SUN5: variants seen among roughly 807,000 people sequenced by gnomAD.
The protein encoded by SUN5 is Sad1 and UNC84 domain containing 5.
Under a neutral mutation model 53.7 loss-of-function variants are expected in SUN5, and 44 were observed. The observed-to-expected ratio is 0.82, with a 90% CI of 0.64 to 1.05. The LOEUF (loss-of-function observed/expected upper bound fraction) is 1.05, where lower values mean the gene tolerates loss of function less well. Among genes scored for constraint, SUN5 ranks in the 50% least tolerant of loss-of-function variants. SUN5 has a pLI of 0.00. For missense variants in SUN5, 433 were observed against 483.8 expected (o/e 0.90, Z 0.98); for synonymous variants, 166 against 179.8 (o/e 0.92, Z 0.62).
At chr20:32,987,188 G>A (rs1466211453) in intron 10 of SUN5, among the ~76,000 whole-genome samples, 9 of 152,226 alleles carry the variant, frequency 5.9e-5, no homozygotes, top group Non-Finnish European at 1.0e-4. Context: ...GAAGAGCTCA[G>A]GTTTGAACTC....
Position 32,997,703 on chromosome 20 carries a change from A to C in SUN5, c.341-16T>G, listed in dbSNP as rs776374132. On this transcript the variant is annotated splice_polypyrimidine_tract_variant and intron_variant, in intron 5 of 12. Coordinates refer to ENST00000356173, the MANE Select transcript of SUN5 (RefSeq NM_080675.4). ...ATCCAGAATCCTGTGAGGCCATGAG[A>C]ATAAGAATGAGCCATTTAACATGCA... is the stretch of plus-strand genomic sequence containing the variant. 6.2e-7 allele frequency: 1 copy of C among 1,613,804 alleles called. No individual in the cohort carries two copies. Among genetic ancestry groups the C allele is most frequent in the South Asian group, 1.1e-5 (1 of 91,038 alleles).
At position 33,001,554 on chromosome 20, in the gene SUN5, CT is replaced by C. The variant is rs1184695042; in HGVS notation, c.212-277del. Reference sequence around the variant, plus strand: ...TCTTTCTTTCTTTCTTTCTTTCTTTCTTTCTTTCTTTTCTTCCTTCCTTCCT... The same window carrying C: ...TCTTTCTTTCTTTCTTTCTTTCTTTCTTCTTTCTTTTCTTCCTTCCTTCCT... On this transcript the variant is annotated intron_variant, in intron 3 of 12. Transcript: ENST00000356173. Among the ~76,000 whole-genome samples the C allele has an allele frequency of 3.7e-4, 51 of 139,528 alleles. 1 individual carries two copies. Among genetic ancestry groups the C allele is most frequent in the African/African-American group, 1.5e-3 (48 of 31,464 alleles). The allele number at this position is 139,528 out of a possible 152,430, so 91.5% of individuals were successfully genotyped here.
intron 1 of SUN5, among the ~76,000 whole-genome samples, chr20:33,003,693 T>C (rs1990114438): frequency 1.3e-5 from 2 of 152,224 alleles, no homozygotes; most frequent in Admixed American, 1.3e-4. Flanking sequence ...TACTAATACA[T>C]TGTTTACCCT....
chr20:32,990,097 A>G (rs1241829360), intron 8 of SUN5, among the ~76,000 whole-genome samples: 2 of 152,104 alleles, frequency 1.3e-5, no homozygotes, highest in Non-Finnish European at 2.9e-5. Flanking sequence ...TAAAGCCCCT[A>G]CTATGTGCCA....
At chr20:33,000,953 G>A (rs959779696) in intron 4 of SUN5, among the ~76,000 whole-genome samples, 1 of 152,134 alleles carries the variant, frequency 6.6e-6, no homozygotes, top group Non-Finnish European at 1.5e-5. Context: ...TGGCCCAATG[G>A]GTCCCTGGCA....
chr20:32,996,430 T>G (rs1057357948), intron 6 of SUN5, 72 bp from the exon 7 acceptor site: 7 of 1,377,478 alleles, frequency 5.1e-6, no homozygotes, highest in Non-Finnish European at 6.1e-6. Context: ...ACTTCATCCA[T>G]CTATTCTCCC....
chr20:32,990,999 G>T (rs6057690), intron 8 of SUN5, among the ~76,000 whole-genome samples: 2 of 152,020 alleles, frequency 1.3e-5, no homozygotes, highest in Admixed American at 1.3e-4. Flanking sequence ...GGCTCAGAGA[G>T]GTTGATGACC....
At chr20:32,990,810 C>T (rs1014523495) in intron 8 of SUN5, among the ~76,000 whole-genome samples, 12 of 152,214 alleles carry the variant, frequency 7.9e-5, no homozygotes, top group African/African-American at 2.4e-4. Context: ...GGAACACAGA[C>T]AAGCCATCTC....
At chr20:32,996,117 T>C (rs1304907755) in intron 7 of SUN5, among the ~76,000 whole-genome samples, 5 of 152,188 alleles carry the variant, frequency 3.3e-5, no homozygotes, top group Non-Finnish European at 7.3e-5. Flanking sequence ...AGATGGGTGT[T>C]ATGCTTCATC....
At chr20:32,985,213 G>T in intron 11 of SUN5, 28 bp from the exon 12 acceptor site, 2 of 1,608,252 alleles carry the variant, frequency 1.2e-6, no homozygotes, top group Non-Finnish European at 1.7e-6. Context: ...AGGTGAAGGC[G>T]TCAGATACAA....
At position 32,997,668 on chromosome 20, in the gene SUN5, A is replaced by T. The variant is rs1568968583; in HGVS notation, c.360T>A (p.Ile120=). The T allele has an allele frequency of 6.2e-7, 1 of 1,613,964 alleles. No individual in the cohort carries two copies. The highest frequency in any genetic ancestry group is 1.3e-5 in the African/African-American group (1 of 74,916). Residue 120 remains isoleucine, a synonymous_variant, in exon 6 of 13, where the codon ATT becomes ATA. Coordinates refer to ENST00000356173, the MANE Select transcript of SUN5 (RefSeq NM_080675.4). The part of the protein sequence containing the change: ...LCAFGFWMFS[I]HLPSKMKVWQ... ...AGACTTTCATTTTCGATGGTAAGTGAATAGAAAACATCCAGAATCCTGTGA... is the reference window on the plus strand; with the variant it reads ...AGACTTTCATTTTCGATGGTAAGTGTATAGAAAACATCCAGAATCCTGTGA...
At chr20:32,985,250 T>TGGAGAGGGGAGA in intron 11 of SUN5, 65 bp from the exon 12 acceptor site, 1 of 1,480,100 alleles carries the variant, frequency 6.8e-7, no homozygotes, top group Non-Finnish European at 9.4e-7. Flanking sequence ...GTGTCTCCCC[T>TGGAGAGGGGAGA]CTCCAGTGGA....
At position 33,001,284 on chromosome 20, in the gene SUN5, C is replaced by G; in HGVS notation, c.212-6G>C. 1 of 1,569,882 alleles carries G rather than the reference C, an allele frequency of 6.4e-7. No homozygotes were observed. Among genetic ancestry groups the G allele is most frequent in the Non-Finnish European group, 8.7e-7 (1 of 1,155,274 alleles). On this transcript the variant is annotated splice_polypyrimidine_tract_variant and splice_region_variant and intron_variant, in intron 3 of 12. Coordinates refer to ENST00000356173, the MANE Select transcript of SUN5 (RefSeq NM_080675.4). ...GGCAAAACAGGTGAACCAGGCTGCA[C>G]GGGAGACAGAAAAGCAGTGACTCAC...
chr20:32,989,500 G>T, intron 9 of SUN5, 120 bp downstream of exon 9: 1 of 605,114 alleles, frequency 1.7e-6, no homozygotes, highest in Non-Finnish European at 2.7e-6. Flanking sequence ...AAACCAGCTT[G>T]GAACAGAGGA....
chr20:33,003,429 C>T (rs1030663576), intron 1 of SUN5, among the ~76,000 whole-genome samples: 3 of 152,118 alleles, frequency 2.0e-5, no homozygotes, highest in Non-Finnish European at 4.4e-5. Flanking sequence ...CTGCGTGACA[C>T]CTGAAACTGT....
chr20:32,995,821 TGA>T, intron 7 of SUN5, 94 bp from the exon 8 acceptor site: 1 of 1,160,326 alleles, frequency 8.6e-7, no homozygotes, highest in Non-Finnish European at 1.3e-6. Flanking sequence ...TCTCAAAGAA[TGA>T]GTTTCAGATT....
intron 8 of SUN5, among the ~76,000 whole-genome samples, chr20:32,990,595 C>T (rs1217114490): frequency 6.6e-6 from 1 of 152,198 alleles, no homozygotes; most frequent in Non-Finnish European, 1.5e-5. Context: ...GACAGCCACT[C>T]CTGGAGGCCA....
rs1248013795 is a variant in SUN5, at chr20:33,004,238, G to A, written c.77+26C>T. 4 of 1,542,270 alleles carry A rather than the reference G, an allele frequency of 2.6e-6. No homozygotes were observed. The South Asian group carries it at 3.7e-5, about 14-fold the overall frequency. On this transcript the variant is annotated intron_variant, in intron 1 of 12. Transcript: ENST00000356173. ...CATTTTGTAAACTGTAAAGGGCTGG[G>A]CAAAGGGAGGGGCTGCCATCCTCAC...
intron 6 of SUN5, among the ~76,000 whole-genome samples, chr20:32,997,039 A>T (rs1989870816): frequency 6.6e-6 from 1 of 152,202 alleles, no homozygotes; most frequent in South Asian, 2.1e-4. Flanking sequence ...ACAGAAAATT[A>T]TCGGAGGAAA....
Sources: gnomAD v4.1 joint callset for allele counts (sites outside exome capture counted in the v4.1 genomes callset) on GRCh38, gnomAD v4.1.1 for gene constraint, MANE v1.5 for transcripts, NCBI Gene and HGNC (gene_info 2026-07-23, HGNC 2026-07-21) for gene names.